The following ANAPC1 variants were observed in gnomAD, a reference collection of about 807,000 sequenced individuals.
ANAPC1 encodes anaphase promoting complex subunit 1, also known as anaphase-promoting complex subunit 1.
Under a neutral mutation model 208.0 loss-of-function variants are expected in ANAPC1, and 36 were observed. The observed-to-expected ratio is 0.17, with a 90% CI of 0.13 to 0.23. ANAPC1 has a LOEUF of 0.23. ANAPC1 is among the 10% of genes least tolerant of loss of function. The pLI is 1.00. For missense variants in ANAPC1, 942 were observed against 2,011.6 expected (o/e 0.47, Z 10.17); for synonymous variants, 378 against 695.2 (o/e 0.54, Z 7.18).
chr2:111,873,210 C>G, intron 5 of ANAPC1, 98 bp downstream of exon 5: 1 of 1,145,738 alleles, frequency 8.7e-7, no homozygotes, highest in Non-Finnish European at 1.2e-6. Flanking sequence ...ACATTTTTGA[C>G]TACTACGAAA....
At chr2:111,856,742 A>G in intron 12 of ANAPC1, 54 bp downstream of exon 12, 1 of 1,612,498 alleles carries the variant, frequency 6.2e-7, no homozygotes, top group South Asian at 1.1e-5. Flanking sequence ...AGATTTTTTG[A>G]CTGAAAAATC....
rs375259023 is a variant in ANAPC1, at chr2:111,834,682, A to G, written c.2306T>C (p.Val769Ala). The G allele has an allele frequency of 6.2e-6, 10 of 1,613,582 alleles. No homozygotes were observed. The African/African-American group carries it at 1.2e-4, about 19-fold the overall frequency. ...AGTATTCAACTTAAGCTCCTCATAC[A>G]CAAGGTGAAGAACGAAAAAAATTGC... ...IPAIFFVLHL[V>A]YEELKLNTLM... Residue 769 changes from valine to alanine, a missense_variant, in exon 19 of 48, where the codon GTG becomes GCG. Transcript: ENST00000341068.
At chr2:111,835,814 C>G (rs1348699771) in intron 18 of ANAPC1, among the ~76,000 whole-genome samples, 17 of 151,946 alleles carry the variant, frequency 1.1e-4, no homozygotes, top group Admixed American at 1.1e-3. Flanking sequence ...TGCACTCCAG[C>G]CTGGGCAACA....
intron 35 of ANAPC1, 116 bp downstream of exon 35, chr2:111,794,702 A>T (rs1392687770): frequency 1.4e-6 from 2 of 1,380,234 alleles, no homozygotes; most frequent in African/African-American, 2.8e-5. Flanking sequence ...AATGGTTAGA[A>T]ATATGTGGGA....
At chr2:111,879,417 T>A (rs1376199189) in intron 2 of ANAPC1, among the ~76,000 whole-genome samples, 1 of 152,170 alleles carries the variant, frequency 6.6e-6, no homozygotes, top group African/African-American at 2.4e-5. Flanking sequence ...TTTTCCTTTG[T>A]CCCACCCACC....
intron 10 of ANAPC1, among the ~76,000 whole-genome samples, chr2:111,860,543 A>ACCTGGG (rs1682003157): frequency 7.1e-6 from 1 of 141,384 alleles, no homozygotes; most frequent in African/African-American, 2.7e-5. Context: ...GGCCAAGGTC[A>ACCTGGG]CCAAGGAACC....
intron 21 of ANAPC1, among the ~76,000 whole-genome samples, chr2:111,829,597 T>C (rs1165357792): frequency 7.9e-5 from 12 of 152,202 alleles, no homozygotes. Context: ...TATGGTTCTA[T>C]ATGAAGGTTT....
intron 16 of ANAPC1, among the ~76,000 whole-genome samples, chr2:111,846,548 T>TAC (rs70962957): frequency 0.1 from 6,272 of 60,960 alleles, 306 homozygotes; most frequent in Non-Finnish European, 0.14. Context: ...TATATATATA[T>TAC]ATATATATAT....
intron 28 of ANAPC1, among the ~76,000 whole-genome samples, chr2:111,813,710 A>G (rs1231520319): frequency 6.6e-6 from 1 of 152,042 alleles, no homozygotes; most frequent in Admixed American, 6.6e-5. Flanking sequence ...CAGGATCTCC[A>G]CCTCCTCAAT....
chr2:111,858,263 C>T (rs771761907), intron 11 of ANAPC1, 43 bp downstream of exon 11: 2 of 1,483,278 alleles, frequency 1.3e-6, no homozygotes, highest in African/African-American at 1.4e-5. Flanking sequence ...AAAAGCAGTG[C>T]TAAGTTATTT....
intron 28 of ANAPC1, among the ~76,000 whole-genome samples, chr2:111,810,929 G>A (rs2104403871): frequency 6.6e-6 from 1 of 151,226 alleles, no homozygotes; most frequent in South Asian, 2.1e-4. Context: ...AACTAGGGCT[G>A]GAGAAGTGAA....
At chr2:111,838,349 A>G in intron 18 of ANAPC1, 89 bp downstream of exon 18, 1 of 1,000,098 alleles carries the variant, frequency 1.0e-6, no homozygotes, top group South Asian at 1.9e-5. Context: ...TTGGAAAGAT[A>G]GAGGAATTGA....
At chr2:111,873,760 A>G (rs542286862) in intron 3 of ANAPC1, 96 bp from the exon 4 acceptor site, 172 of 1,386,432 alleles carry the variant, frequency 1.2e-4, no homozygotes, top group Non-Finnish European at 1.5e-4. Context: ...CATCTACGTA[A>G]TAACTTTGCC....
At chr2:111,858,267 G>C (rs760549932) in intron 11 of ANAPC1, 39 bp downstream of exon 11, 1 of 1,509,848 alleles carries the variant, frequency 6.6e-7, no homozygotes, top group East Asian at 2.3e-5. Flanking sequence ...GCAGTGCTAA[G>C]TTATTTATAC....
At chr2:111,851,252 G>C (rs185756863) in intron 13 of ANAPC1, among the ~76,000 whole-genome samples, 216 of 152,150 alleles carry the variant, frequency 1.4e-3, no homozygotes, top group African/African-American at 4.9e-3. Flanking sequence ...ATAGGCACAT[G>C]CCACTATGCC....
intron 16 of ANAPC1, among the ~76,000 whole-genome samples, chr2:111,846,842 T>C (rs1681116335): frequency 6.6e-6 from 1 of 151,896 alleles, no homozygotes; most frequent in African/African-American, 2.4e-5. Context: ...AGTGTTGGGA[T>C]TACAGGTGTG....
Position 111,825,154 on chromosome 2 carries a change from C to A in ANAPC1, c.2718G>T (p.Leu906Phe), listed in dbSNP as rs373767122. The change falls in exon 23 of 48, where the codon TTG becomes TTT. Residue 906 changes from leucine to phenylalanine, a missense_variant. Coordinates refer to ENST00000341068, the MANE Select transcript of ANAPC1 (RefSeq NM_022662.4). ...ACCTGTTTTCCTCTTGTTCTACTTG[C>A]AACTTCTGGGGGGCTAAAAGGCAAC... ...LTRITIAPQK[L>F]QVEQEENRFS... 1.2e-6 allele frequency: 2 copies of A among 1,613,364 alleles called. No homozygotes were observed. The highest frequency in any genetic ancestry group is 2.7e-5 in the African/African-American group (2 of 74,806).
At position 111,864,689 on chromosome 2, in the gene ANAPC1, C is replaced by T. The variant is rs1365150519; in HGVS notation, c.831+117G>A. 4.5e-6 allele frequency: 7 copies of T among 1,539,002 alleles called. No individual in the cohort carries two copies. In the Admixed American group the frequency reaches 1.1e-4, roughly 24 times the overall value. ...GTTGGCCAGGCTGGTCTTGAACGTC[C>T]TGACCTCAAGTGATCCGCCTGCCTT... On this transcript the variant is annotated intron_variant, in intron 8 of 47. Coordinates refer to ENST00000341068, the MANE Select transcript of ANAPC1 (RefSeq NM_022662.4).
At chr2:111,785,589 A>G (rs569213930) in intron 39 of ANAPC1, 112 bp from the exon 40 acceptor site, 30 of 554,080 alleles carry the variant, frequency 5.4e-5, no homozygotes, top group Non-Finnish European at 7.3e-5. Flanking sequence ...TAATATCTTC[A>G]AATGAACAGA....
Sources: allele counts gnomAD v4.1 joint callset (sites outside exome capture counted in the v4.1 genomes callset), GRCh38; gene constraint gnomAD v4.1.1; transcripts MANE v1.5; gene names NCBI Gene and HGNC (gene_info 2026-07-23, HGNC 2026-07-21).